NAALAD2: variants seen among roughly 807,000 people sequenced by gnomAD.
The protein encoded by NAALAD2 is N-acetylated-alpha-linked acidic dipeptidase 2.
NAALAD2 carries 89 observed loss-of-function variants against 95.6 expected under a neutral mutation model. The ratio of observed to expected loss-of-function variants is 0.93; its 90% CI spans 0.78 to 1.11. The LOEUF is 1.11. Ranked by LOEUF, NAALAD2 falls within the 50% of genes least tolerant of loss-of-function variation. The probability of loss-of-function intolerance (pLI) is 0.00; values close to 1 mark genes in which losing one functional copy is unlikely to be tolerated. For missense variants in NAALAD2, 894 were observed against 872.4 expected, an observed-to-expected ratio of 1.02 and a Z score of -0.31; for synonymous variants, 264 against 294.4, an observed-to-expected ratio of 0.90 and a Z score of 1.06.
chr11:90,168,792 G>T, intron 11 of NAALAD2, 137 bp from the exon 12 acceptor site: 1 of 648,952 alleles, frequency 1.5e-6, no homozygotes, highest in Non-Finnish European at 2.7e-6. Context: ...TCAGAAATTA[G>T]GGTCACAGAT....
intron 18 of NAALAD2, among the ~76,000 whole-genome samples, chr11:90,183,502 CAAAT>C (rs1857029847): frequency 6.6e-6 from 1 of 152,098 alleles, no homozygotes; most frequent in East Asian, 1.9e-4. Flanking sequence ...CTGTTAAAGT[CAAAT>C]AAAATAAGTT....
At chr11:90,136,298 A>G (rs7129987) in intron 2 of NAALAD2, among the ~76,000 whole-genome samples, 574 of 152,288 alleles carry the variant, frequency 3.8e-3, no homozygotes, top group African/African-American at 0.013. Flanking sequence ...AGCTTTAGTG[A>G]AGTATAATTT....
At chr11:90,171,035 CA>C in intron 13 of NAALAD2, among the ~76,000 whole-genome samples, 1 of 152,136 alleles carries the variant, frequency 6.6e-6, no homozygotes, top group Admixed American at 6.5e-5. Context: ...AGTCTAAAGG[CA>C]AAATGGAAAT....
Position 90,191,553 on chromosome 11 carries a change from T to C in NAALAD2, c.2034-5T>C, listed in dbSNP as rs376833574. ...GTTCAATTTGCCTTGTTTTCTTCCT[T>C]TTAGGCACATCATATTTGCTCCAAG... On this transcript the variant is annotated splice_polypyrimidine_tract_variant and splice_region_variant and intron_variant, in intron 18 of 18. Coordinates refer to ENST00000534061, the MANE Select transcript of NAALAD2 (RefSeq NM_005467.4). 2 of 1,568,088 alleles carry C rather than the reference T, an allele frequency of 1.3e-6. No homozygotes were observed. The highest frequency in any genetic ancestry group is 1.7e-6 in the Non-Finnish European group (2 of 1,158,850).
At chr11:90,144,051 G>T (rs916028817) in intron 2 of NAALAD2, among the ~76,000 whole-genome samples, 3 of 152,148 alleles carry the variant, frequency 2.0e-5, no homozygotes, top group Non-Finnish European at 4.4e-5. Flanking sequence ...AATGTCTGTT[G>T]TGAGGTGCTT....
chr11:90,177,586 GTTTTTTTT>G (rs57694347), intron 15 of NAALAD2, among the ~76,000 whole-genome samples: 14 of 28,440 alleles, frequency 4.9e-4, no homozygotes, highest in African/African-American at 1.9e-3. Context: ...TCTTTTTCTT[GTTTTTTTT>G]TTTTTTTTTT....
rs755634369 is a variant in NAALAD2, at chr11:90,163,343, C to T, written c.1109C>T (p.Ser370Phe). 6.2e-7 allele frequency: 1 copy of T among 1,613,952 alleles called. No individual in the cohort carries two copies. The highest frequency in any genetic ancestry group is 8.5e-7 in the Non-Finnish European group (1 of 1,179,868). ...RYVILGGHRD[S>F]WVFGAIDPTS... The stretch of plus-strand genomic sequence containing the variant: ...GTTATTCTGGGAGGTCACCGGGACT[C>T]CTGGGTATTTGGAGCTATTGACCCA... The change falls in exon 10 of 19, where the codon TCC becomes TTC. Residue 370 changes from serine (S) to phenylalanine (F), a missense_variant. Coordinates refer to ENST00000534061, the MANE Select transcript of NAALAD2 (RefSeq NM_005467.4).
chr11:90,168,757 TAAC>T (rs1175310745), intron 11 of NAALAD2, among the ~76,000 whole-genome samples, 169 bp from the exon 12 acceptor site: 1 of 152,220 alleles, frequency 6.6e-6, no homozygotes, highest in Non-Finnish European at 1.5e-5. Context: ...TAATTGTTGT[TAAC>T]AAACTGGTTT....
At chr11:90,175,926 T>TTG (rs763929585) in intron 14 of NAALAD2, 46 bp from the exon 15 acceptor site, 356 of 620,916 alleles carry the variant, frequency 5.7e-4, no homozygotes, top group Middle Eastern at 4.4e-3. Flanking sequence ...ATTTACTTGT[T>TTG]TATGTGTGTG....
intron 18 of NAALAD2, 136 bp from the exon 19 acceptor site, chr11:90,191,422 G>A: frequency 2.0e-6 from 1 of 507,440 alleles, no homozygotes; most frequent in Non-Finnish European, 3.2e-6. Flanking sequence ...ATTCGCATAA[G>A]TATCTCAGAT....
chr11:90,149,962 A>T (rs1222726975), intron 4 of NAALAD2, among the ~76,000 whole-genome samples: 4 of 151,974 alleles, frequency 2.6e-5, no homozygotes, highest in Non-Finnish European at 4.4e-5. Flanking sequence ...TGCTGTTTAG[A>T]TATGTCTGGC....
At chr11:90,155,598 TAATA>T (rs1334873677) in intron 6 of NAALAD2, among the ~76,000 whole-genome samples, 1 of 100,980 alleles carries the variant, frequency 9.9e-6, no homozygotes, top group African/African-American at 3.9e-5. Context: ...ATATATGTAA[TAATA>T]TATATTACAT....
At chr11:90,168,674 C>A (rs1313936260) in intron 11 of NAALAD2, among the ~76,000 whole-genome samples, 1 of 151,614 alleles carries the variant, frequency 6.6e-6, no homozygotes, top group Non-Finnish European at 1.5e-5. Flanking sequence ...ATTTTTTTTT[C>A]TTAGGGCTCT....
intron 2 of NAALAD2, 147 bp from the exon 3 acceptor site, chr11:90,147,183 C>T: frequency 1.6e-6 from 1 of 609,660 alleles, no homozygotes; most frequent in African/African-American, 1.8e-5. Flanking sequence ...TATCTAGAAA[C>T]TGGTAGCATT....
chr11:90,155,406 A>AC (rs1565522727), intron 6 of NAALAD2, among the ~76,000 whole-genome samples: 1 of 85,284 alleles, frequency 1.2e-5, no homozygotes, highest in South Asian at 3.2e-4. Context: ...TAATATATAT[A>AC]ATGTAATATT....
intron 8 of NAALAD2, among the ~76,000 whole-genome samples, chr11:90,161,531 T>C (rs1411120737): frequency 5.9e-5 from 9 of 152,156 alleles, no homozygotes; most frequent in Non-Finnish European, 1.2e-4. Context: ...ATCTCCTCCC[T>C]GTGGAGCCTG....
intron 6 of NAALAD2, among the ~76,000 whole-genome samples, chr11:90,155,358 G>A (rs1565522439): frequency 4.7e-5 from 4 of 85,960 alleles, no homozygotes; most frequent in Non-Finnish European, 8.4e-5. Context: ...TATATTACAT[G>A]TATAATATGT....
intron 10 of NAALAD2, 45 bp downstream of exon 10, chr11:90,163,474 T>C: frequency 6.2e-7 from 1 of 1,613,180 alleles, no homozygotes; most frequent in Non-Finnish European, 8.5e-7. Context: ...AGTGACTTAC[T>C]GAATTTTCTT....
At chr11:90,160,709 C>T (rs1952268996) in intron 8 of NAALAD2, among the ~76,000 whole-genome samples, 1 of 152,084 alleles carries the variant, frequency 6.6e-6, no homozygotes, top group South Asian at 2.1e-4. Flanking sequence ...CAGAAACATA[C>T]AGACAGAGAA....
Sources: allele counts gnomAD v4.1 joint callset (sites outside exome capture counted in the v4.1 genomes callset), GRCh38; gene constraint gnomAD v4.1.1; transcripts MANE v1.5; gene names NCBI Gene and HGNC (gene_info 2026-07-23, HGNC 2026-07-21).